The following PPA2 variants were observed in gnomAD, a reference collection of about 807,000 sequenced individuals.
PPA2 encodes the protein inorganic pyrophosphatase 2.
In PPA2, 48 loss-of-function variants were observed where a neutral mutation model predicts 49.5. The observed-to-expected ratio is 0.97, with a 90% confidence interval of 0.77 to 1.23. The LOEUF is 1.23. PPA2 is among the 50% of genes most tolerant of loss of function. The pLI is 0.00. For synonymous variants in PPA2, 131 were observed against 139.9 expected, an observed-to-expected ratio of 0.94 and a Z score of 0.45; for missense variants, 429 against 410.1, an observed-to-expected ratio of 1.05 and a Z score of -0.40.
At chr4:105,432,834 GT>G (rs1432395761) in intron 6 of PPA2, among the ~76,000 whole-genome samples, 1 of 152,148 alleles carries the variant, frequency 6.6e-6, no homozygotes, top group East Asian at 1.9e-4. Context: ...CACCCCTGGT[GT>G]AAAGACTAGG....
At chr4:105,459,934 A>G (rs1723017114) in intron 1 of PPA2, among the ~76,000 whole-genome samples, 1 of 152,244 alleles carries the variant, frequency 6.6e-6, no homozygotes, top group Non-Finnish European at 1.5e-5. Flanking sequence ...AGGGGGCCAC[A>G]AAAAATTTTT....
At chr4:105,473,441 C>T (rs1302694509) in intron 1 of PPA2, 1 of 379,812 alleles carries the variant, frequency 2.6e-6, no homozygotes, top group South Asian at 2.0e-5. Flanking sequence ...TCTCCGACGT[C>T]AGGGAGCTCC....
chr4:105,462,112 A>G (rs1723116906), intron 1 of PPA2, among the ~76,000 whole-genome samples: 1 of 152,240 alleles, frequency 6.6e-6, no homozygotes, highest in Non-Finnish European at 1.5e-5. Context: ...TATGGTACAT[A>G]TGCGCTACAG....
intron 1 of PPA2, among the ~76,000 whole-genome samples, chr4:105,469,377 G>A (rs1457550234): frequency 3.3e-5 from 5 of 152,162 alleles, no homozygotes; most frequent in Non-Finnish European, 7.3e-5. Flanking sequence ...TCTCTCACAA[G>A]AGCAAGTTGT....
chr4:105,402,264 A>C (rs1722235377), intron 7 of PPA2, among the ~76,000 whole-genome samples: 1 of 152,106 alleles, frequency 6.6e-6, no homozygotes, highest in Non-Finnish European at 1.5e-5. Flanking sequence ...AAAAGAAAAA[A>C]AAAATTAGGC....
chr4:105,386,690 C>T lies in PPA2; in HGVS notation c.870-54G>A, dbSNP rs865855983. ...AAACAGGATAAAAAGAAACAATTACCAAAAAAACCCCAAAAACTAACTCCA... is the reference window on the plus strand; with the variant it reads ...AAACAGGATAAAAAGAAACAATTACTAAAAAAACCCCAAAAACTAACTCCA... On this transcript the variant is annotated intron_variant, in intron 9 of 11. Coordinates refer to ENST00000341695, the MANE Select transcript of PPA2 (RefSeq NM_176869.3). 5.4e-6 allele frequency: 8 copies of T among 1,479,158 alleles called. No homozygotes were observed. In the Middle Eastern group the frequency reaches 1.0e-3, roughly 194 times the overall value. 91.6% of individuals were successfully genotyped at this position (1,479,158 alleles called of 1,614,324 possible).
chr4:105,384,413 A>AT (rs142281073), intron 10 of PPA2, among the ~76,000 whole-genome samples: 4,549 of 152,188 alleles, frequency 0.03, 205 homozygotes, highest in African/African-American at 0.094. Context: ...TCCTCCAATT[A>AT]TTTTTTTGTT....
chr4:105,474,024 G>C lies in PPA2; in HGVS notation c.27C>G (p.Arg9=), dbSNP rs4699179. The C allele has an allele frequency of 6.3e-7, 1 of 1,597,402 alleles. No homozygotes were observed. The highest frequency in any genetic ancestry group is 8.5e-7 in the Non-Finnish European group (1 of 1,172,188). MSALLRLL[R]TGAPAAACLR... ...GGCACGCAGCGGCTGGGGCACCCGT[G>C]CGCAGCAGCCGCAGCAGCGCGCTCA... is the stretch of plus-strand genomic sequence containing the variant. Residue 9 remains arginine, a synonymous_variant, in exon 1 of 12, where the codon CGC becomes CGG. Coordinates refer to ENST00000341695, the MANE Select transcript of PPA2 (RefSeq NM_176869.3).
At chr4:105,419,399 C>T (rs1486326066) in intron 7 of PPA2, among the ~76,000 whole-genome samples, 1 of 152,120 alleles carries the variant, frequency 6.6e-6, no homozygotes, top group African/African-American at 2.4e-5. Context: ...TGAGTGAGAA[C>T]ATGTGGTGTT....
At chr4:105,405,342 TTA>T (rs1722414831) in intron 7 of PPA2, 2 of 766,120 alleles carry the variant, frequency 2.6e-6, no homozygotes, top group Non-Finnish European at 3.2e-6. Flanking sequence ...AGTTTTTCAC[TTA>T]TAGTAAAGAC....
At chr4:105,384,324 A>C (rs1733602565) in intron 10 of PPA2, among the ~76,000 whole-genome samples, 1 of 152,204 alleles carries the variant, frequency 6.6e-6, no homozygotes, top group Admixed American at 6.5e-5. Context: ...CCAAGTTACC[A>C]AGCCAGGTAA....
intron 6 of PPA2, 47 bp downstream of exon 6, chr4:105,437,903 A>ATTT: frequency 6.8e-7 from 1 of 1,469,292 alleles, no homozygotes; most frequent in Non-Finnish European, 9.2e-7. Flanking sequence ...TTATGGCATG[A>ATTT]ATAAACCAAA....
chr4:105,385,369 T>A (rs1225035419), intron 10 of PPA2, among the ~76,000 whole-genome samples: 1 of 151,256 alleles, frequency 6.6e-6, no homozygotes, highest in Non-Finnish European at 1.5e-5. Flanking sequence ...AGAACCTATA[T>A]CTTACCACAT....
At chr4:105,421,879 C>G (rs183305328) in intron 7 of PPA2, among the ~76,000 whole-genome samples, 3 of 152,112 alleles carry the variant, frequency 2.0e-5, no homozygotes, top group Admixed American at 6.5e-5. Context: ...CCCATCTCTT[C>G]TAAAATACAA....
intron 1 of PPA2, among the ~76,000 whole-genome samples, chr4:105,459,607 A>C (rs113536589): frequency 6.6e-6 from 1 of 152,338 alleles, no homozygotes; most frequent in African/African-American, 2.4e-5. Flanking sequence ...AAAAATCTCT[A>C]TATGTTTACA....
At chr4:105,418,942 A>G (rs984830936) in intron 7 of PPA2, among the ~76,000 whole-genome samples, 5 of 152,224 alleles carry the variant, frequency 3.3e-5, no homozygotes, top group Admixed American at 1.3e-4. Flanking sequence ...ATGCCCTAGC[A>G]TTTCAATCTT....
intron 1 of PPA2, among the ~76,000 whole-genome samples, chr4:105,468,282 G>A (rs897132262): frequency 6.6e-6 from 1 of 152,170 alleles, no homozygotes; most frequent in African/African-American, 2.4e-5. Flanking sequence ...AGAGAAGTGG[G>A]CTGAGGATTG....
chr4:105,461,085 A>G (rs575767877), intron 1 of PPA2, among the ~76,000 whole-genome samples: 2 of 152,336 alleles, frequency 1.3e-5, no homozygotes, highest in South Asian at 4.1e-4. Context: ...AATGGGCAAT[A>G]TATCTATAAA....
At chr4:105,429,080 C>T (rs1723674053) in intron 6 of PPA2, among the ~76,000 whole-genome samples, 1 of 152,154 alleles carries the variant, frequency 6.6e-6, no homozygotes, top group South Asian at 2.1e-4. Flanking sequence ...TCTCTGGCTG[C>T]TCTAAATCTA....
Sources: allele counts gnomAD v4.1 joint callset (sites outside exome capture counted in the v4.1 genomes callset), GRCh38; gene constraint gnomAD v4.1.1; transcripts MANE v1.5; gene names NCBI Gene and HGNC (gene_info 2026-07-23, HGNC 2026-07-21).